Variants in TPO observed in about 807,000 individuals in gnomAD.
TPO encodes the protein thyroid microsomal antigen.
In TPO, 78 loss-of-function variants were observed where a neutral mutation model predicts 96.9. That is an observed-to-expected ratio of 0.81 (90% CI 0.67 to 0.97). The LOEUF (loss-of-function observed/expected upper bound fraction) is 0.97. TPO is among the 50% of genes least tolerant of loss of function. TPO has a pLI of 0.00. For missense variants in TPO, 1,252 were observed against 1,274.8 expected (o/e 0.98, Z 0.27); for synonymous variants, 547 against 538.0 (o/e 1.02, Z -0.23).
intron 2 of TPO, among the ~76,000 whole-genome samples, chr2:1,418,911 C>T (rs1408897077): frequency 6.6e-6 from 1 of 152,208 alleles, no homozygotes; most frequent in Non-Finnish European, 1.5e-5. Flanking sequence ...ACACACAACT[C>T]TAAACAGGAA....
At chr2:1,435,005 C>T (rs1665416713) in intron 4 of TPO, among the ~76,000 whole-genome samples, 1 of 152,100 alleles carries the variant, frequency 6.6e-6, no homozygotes, top group Non-Finnish European at 1.5e-5. Flanking sequence ...GCGATCTCGG[C>T]TCACTGCAAG....
Position 1,433,593 on chromosome 2 carries a change from C to T in TPO, c.335C>T (p.Ser112Leu). The change falls in exon 4 of 17, where the codon TCA (serine) becomes TTA (leucine). Residue 112 changes from serine to leucine, a missense_variant. Transcript: ENST00000329066. ...AAAGTCAACCTGAAAACTCAACAAT[C>T]ACAGCATCCAACGGGTAATGTGTGC... is the stretch of plus-strand genomic sequence containing the variant. ...KRKVNLKTQQ[S>L]QHPTDALSED... is the part of the protein sequence containing the mutation. The T allele has an allele frequency of 6.2e-7, 1 of 1,613,910 alleles. No homozygotes were observed. The highest frequency in any genetic ancestry group is 1.1e-5 in the South Asian group (1 of 91,032).
intron 15 of TPO, among the ~76,000 whole-genome samples, chr2:1,539,430 CAT>C (rs1381907482): frequency 1.3e-5 from 2 of 152,164 alleles, no homozygotes; most frequent in Non-Finnish European, 2.9e-5. Flanking sequence ...GACTAAATGC[CAT>C]TTGCTCCTAA....
chr2:1,494,192 TTCTTTAACC>T (rs1553321902), intron 11 of TPO, among the ~76,000 whole-genome samples, 153 bp downstream of exon 11: 2 of 152,206 alleles, frequency 1.3e-5, no homozygotes, highest in Non-Finnish European at 1.5e-5. Context: ...CACCCACAGC[TTCTTTAACC>T]TAGAACAGTG....
intron 5 of TPO, chr2:1,439,329 T>C (rs932146690): frequency 6.5e-6 from 1 of 154,846 alleles, no homozygotes; most frequent in Non-Finnish European, 1.4e-5. Context: ...ATTCACAGCA[T>C]CTGGATCTAA....
At chr2:1,480,849 A>ACCTCCC (rs1491437363) in intron 8 of TPO, among the ~76,000 whole-genome samples, 2 of 151,288 alleles carry the variant, frequency 1.3e-5, no homozygotes, top group East Asian at 1.9e-4. Flanking sequence ...TGTCCTCACC[A>ACCTCCC]TACCCACTCT....
At chr2:1,422,320 C>A (rs796987259) in intron 2 of TPO, among the ~76,000 whole-genome samples, 1 of 131,370 alleles carries the variant, frequency 7.6e-6, no homozygotes, top group African/African-American at 2.6e-5. Flanking sequence ...CTGGACAGAC[C>A]TCGTGCAGGC....
intron 1 of TPO, among the ~76,000 whole-genome samples, chr2:1,391,446 C>T (rs1009599666): frequency 3.8e-4 from 58 of 152,086 alleles, no homozygotes; most frequent in African/African-American, 1.1e-3. Flanking sequence ...AGTCAGGTAG[C>T]GTGATGCCTC....
intron 7 of TPO, among the ~76,000 whole-genome samples, chr2:1,474,474 C>T (rs1669714106): frequency 6.6e-6 from 1 of 152,062 alleles, no homozygotes; most frequent in African/African-American, 2.4e-5. Context: ...GCACTGGGGC[C>T]CTTTTCATCT....
In TPO at chr2:1,496,244, A is replaced by G. The variant is rs769470921; in HGVS notation, c.2215+47A>G. On this transcript the variant is annotated intron_variant, in intron 12 of 16. Coordinates refer to ENST00000329066, the MANE Select transcript of TPO (RefSeq NM_001206744.2). ...CACCACGTTACAGCACGTGCATCTCATCAAACAAAGCTTATCTTCCCCAGG... is the reference window on the plus strand; with the variant it reads ...CACCACGTTACAGCACGTGCATCTCGTCAAACAAAGCTTATCTTCCCCAGG... The G allele has an allele frequency of 1.7e-5, 25 of 1,500,064 alleles. 1 individual carries two copies. The South Asian group carries it at 2.9e-4, about 17-fold the overall frequency. The allele number at this position is 1,500,064 out of a possible 1,614,324, so 92.9% of individuals were successfully genotyped here.
chr2:1,533,015 C>G (rs1489848030), intron 15 of TPO, among the ~76,000 whole-genome samples: 3 of 103,992 alleles, frequency 2.9e-5, no homozygotes, highest in Non-Finnish European at 2.0e-5. Context: ...CCTCTAGTCC[C>G]CCACTGTGTG....
chr2:1,395,634 C>A (rs1395972585), intron 1 of TPO, among the ~76,000 whole-genome samples: 1 of 152,154 alleles, frequency 6.6e-6, no homozygotes, highest in Non-Finnish European at 1.5e-5. Context: ...ACCCACATTT[C>A]ATCTTGAATT....
At chr2:1,480,992 G>A (rs1443349887) in intron 8 of TPO, among the ~76,000 whole-genome samples, 1 of 151,788 alleles carries the variant, frequency 6.6e-6, no homozygotes, top group African/African-American at 2.4e-5. Context: ...GCATGTTTGG[G>A]AGGGATCTGC....
chr2:1,527,341 C>A (rs559964863), intron 15 of TPO, among the ~76,000 whole-genome samples: 3 of 139,022 alleles, frequency 2.2e-5, no homozygotes, highest in African/African-American at 8.4e-5. Flanking sequence ...CCCAAAATAC[C>A]CCCCGTGAGC....
chr2:1,525,844 C>T (rs1275148356), intron 15 of TPO, among the ~76,000 whole-genome samples: 1 of 137,316 alleles, frequency 7.3e-6, no homozygotes, highest in Non-Finnish European at 1.6e-5. Context: ...CCACTCTGTG[C>T]AACCTCCCAA....
intron 1 of TPO, among the ~76,000 whole-genome samples, chr2:1,398,623 G>A (rs1573059877): frequency 2.6e-5 from 4 of 152,306 alleles, no homozygotes; most frequent in Admixed American, 2.6e-4. Context: ...GGAGGGTCTG[G>A]ACAAAACTGC....
intron 3 of TPO, among the ~76,000 whole-genome samples, chr2:1,425,121 C>A (rs1475124717): frequency 1.3e-5 from 2 of 148,650 alleles, no homozygotes; most frequent in Admixed American, 1.3e-4. Context: ...TCCTTCTATG[C>A]AGTCATTGTT....
At chr2:1,397,878 AC>A (rs1483912849) in intron 1 of TPO, among the ~76,000 whole-genome samples, 4 of 152,154 alleles carry the variant, frequency 2.6e-5, no homozygotes, top group Admixed American at 1.3e-4. Flanking sequence ...AAACCCAGAC[AC>A]ATGTCAGAAG....
chr2:1,477,390 G>A lies in TPO; in HGVS notation c.1124G>A (p.Cys375Tyr), dbSNP rs764851957. 1.3e-6 allele frequency: 2 copies of A among 1,526,342 alleles called. No individual in the cohort carries two copies. Among genetic ancestry groups the A allele is most frequent in the Non-Finnish European group, 1.8e-6 (2 of 1,139,152 alleles). The allele number at this position is 1,526,342 out of a possible 1,614,324, so 94.5% of individuals were successfully genotyped here. A position where few individuals can be genotyped will look rare whatever the true frequency, so the allele number is the denominator to read the frequency against. The change falls in exon 8 of 17, where the codon TGT becomes TAT. Residue 375 changes from cysteine (C) to tyrosine (Y), a missense_variant. Cys to Tyr is a radical substitution (Grantham distance 194). Transcript: ENST00000329066. ...PFVPPRAPAA[C>Y]APEPGIPGET... is the part of the protein sequence containing the mutation. The stretch of plus-strand genomic sequence containing the variant: ...GTGCCGCCACGCGCGCCTGCGGCCT[G>A]TGCGCCCGAGCCCGGCATCCCCGGA...
Sources: gnomAD v4.1 joint callset for allele counts (sites outside exome capture counted in the v4.1 genomes callset) on GRCh38, gnomAD v4.1.1 for gene constraint, MANE v1.5 for transcripts, NCBI Gene and HGNC (gene_info 2026-07-23, HGNC 2026-07-21) for gene names.